Variants in CPNE2 observed in about 807,000 individuals in gnomAD.
The protein encoded by CPNE2 is copine-2.
CPNE2 carries 42 observed loss-of-function variants against 69.7 expected under a neutral mutation model. The ratio of observed to expected loss-of-function variants is 0.60; its 90% CI spans 0.47 to 0.78. The LOEUF (loss-of-function observed/expected upper bound fraction) is 0.78, where lower values mean the gene tolerates loss of function less well. Ranked by LOEUF, CPNE2 falls within the 30% of genes least tolerant of loss-of-function variation. The pLI is 0.00. For missense variants in CPNE2, 587 were observed against 732.0 expected, an observed-to-expected ratio of 0.80 and a Z score of 2.29; for synonymous variants, 294 against 289.8, an observed-to-expected ratio of 1.01 and a Z score of -0.15.
At chr16:57,120,808 C>T (rs1463763133) in intron 7 of CPNE2, among the ~76,000 whole-genome samples, 1 of 152,150 alleles carries the variant, frequency 6.6e-6, no homozygotes, top group African/African-American at 2.4e-5. Flanking sequence ...TGGGTCACAA[C>T]CCGAGGTGGA....
chr16:57,126,931 C>G lies in CPNE2; in HGVS notation c.1062-918C>G, dbSNP rs74021604. ...AGCCACCATCACTTTGTGCCCAGAT[C>G]ATTTCATTAGCTTCCTCATCAGTCT... On this transcript the variant is annotated intron_variant, in intron 11 of 15. Transcript: ENST00000290776. Among the ~76,000 whole-genome samples, 730 of 152,318 alleles carry G rather than the reference C, an allele frequency of 4.8e-3. 7 individuals carry two copies. Among genetic ancestry groups the G allele is most frequent in the African/African-American group, 0.017 (697 of 41,568 alleles).
At chr16:57,102,605 CTT>C (rs111301014) in intron 1 of CPNE2, among the ~76,000 whole-genome samples, 46 of 143,862 alleles carry the variant, frequency 3.2e-4, no homozygotes, top group Non-Finnish European at 2.8e-4. Context: ...ATTTATTTCT[CTT>C]TTTTTTTTTT....
intron 12 of CPNE2, among the ~76,000 whole-genome samples, chr16:57,132,908 C>T (rs2069848491): frequency 6.6e-6 from 1 of 152,126 alleles, no homozygotes; most frequent in African/African-American, 2.4e-5. Context: ...GACCGCAAGG[C>T]TGGGCCCTCC....
rs749605352 is a variant in CPNE2, at chr16:57,146,061, G to T, written c.1303-24G>T. ...TGCCAGAGCCTCGACCTTGCTGAGT[G>T]CCCCGTTGGCCCCCTCCCTGCAGCA... is the stretch of plus-strand genomic sequence containing the variant. On this transcript the variant is annotated intron_variant, in intron 14 of 15. Coordinates refer to ENST00000290776, the MANE Select transcript of CPNE2 (RefSeq NM_152727.6). The surrounding 1 kb of genome is among the most constrained non-coding windows in gnomAD (Gnocchi z 4.4). 504 of 1,586,838 alleles carry T rather than the reference G, an allele frequency of 3.2e-4. No homozygotes were observed. Among genetic ancestry groups the T allele is most frequent in the Non-Finnish European group, 4.3e-4 (494 of 1,162,142 alleles).
chr16:57,113,368 G>A lies in CPNE2; in HGVS notation c.261G>A (p.Glu87=). Residue 87 remains glutamate, a synonymous_variant, in exon 3 of 16, where the codon GAG becomes GAA. Transcript: ENST00000290776. ...TCGTGCTTGACTACCACTTCGAGGAGGTACAGAAGCTCAAGTTCGCGCTCT... is the reference window on the plus strand; with the variant it reads ...TCGTGCTTGACTACCACTTCGAGGAAGTACAGAAGCTCAAGTTCGCGCTCT... ...KKFVLDYHFE[E]VQKLKFALFD... is the part of the protein sequence containing the mutation. The A allele has an allele frequency of 6.2e-7, 1 of 1,614,176 alleles. No individual in the cohort carries two copies. Among genetic ancestry groups the A allele is most frequent in the Non-Finnish European group, 8.5e-7 (1 of 1,180,032 alleles).
intron 9 of CPNE2, 67 bp from the exon 10 acceptor site, chr16:57,123,347 C>G (rs2069776556): frequency 6.5e-7 from 1 of 1,529,402 alleles, no homozygotes; most frequent in South Asian, 1.1e-5. Flanking sequence ...GGACATAGAG[C>G]AACAACTCCC....
chr16:57,145,740 T>A, intron 14 of CPNE2: 1 of 282,008 alleles, frequency 3.5e-6, no homozygotes, highest in Non-Finnish European at 6.8e-6. Context: ...GCACTACGAG[T>A]CAAGTCAGTT....
At chr16:57,114,303 C>T (rs2069701786) in intron 3 of CPNE2, among the ~76,000 whole-genome samples, 1 of 152,184 alleles carries the variant, frequency 6.6e-6, no homozygotes, top group Admixed American at 6.5e-5. Flanking sequence ...GGAAAGCTGA[C>T]CACCTTCACC....
At chr16:57,125,735 A>T in intron 10 of CPNE2, 125 bp from the exon 11 acceptor site, 1 of 1,193,570 alleles carries the variant, frequency 8.4e-7, no homozygotes, top group Non-Finnish European at 1.2e-6. Context: ...AGACCATCTT[A>T]TTGTGGGGAG....
intron 1 of CPNE2, among the ~76,000 whole-genome samples, chr16:57,101,652 C>A (rs1310886611): frequency 6.6e-6 from 1 of 152,214 alleles, no homozygotes; most frequent in African/African-American, 2.4e-5. Context: ...CATGGGGTGG[C>A]CACATTGCAA....
chr16:57,107,155 C>T lies in CPNE2; in HGVS notation c.-35-3553C>T, dbSNP rs114419306. Among the ~76,000 whole-genome samples, 1,053 of 152,264 alleles carry T rather than the reference C, an allele frequency of 6.9e-3. 17 individuals carry two copies. The highest frequency in any genetic ancestry group is 0.024 in the African/African-American group (1,009 of 41,552). On this transcript the variant is annotated intron_variant, in intron 1 of 15. Coordinates refer to ENST00000290776, the MANE Select transcript of CPNE2 (RefSeq NM_152727.6). ...ACATCCCTGTCTGCCCCCTTCCCCA[C>T]CCCACCCCAACTTGGCACAGCTGCC...
intron 1 of CPNE2, among the ~76,000 whole-genome samples, chr16:57,109,211 A>G (rs1245287736): frequency 1.3e-5 from 2 of 152,214 alleles, no homozygotes; most frequent in Non-Finnish European, 2.9e-5. Flanking sequence ...GCGGTGGCTC[A>G]TGCCTGTAAT....
At chr16:57,139,735 C>G (rs2013641) in intron 14 of CPNE2, among the ~76,000 whole-genome samples, 139,474 of 152,202 alleles carry the variant, frequency 0.92, 64,112 homozygotes, top group Middle Eastern at 0.98. Context: ...GGCAGAGCCT[C>G]TTCTGATGGT....
At chr16:57,135,566 C>T (rs2069872924) in intron 13 of CPNE2, among the ~76,000 whole-genome samples, 1 of 151,872 alleles carries the variant, frequency 6.6e-6, no homozygotes, top group Non-Finnish European at 1.5e-5. Flanking sequence ...ACTCAGGAAG[C>T]TGAGGTGGGA....
At chr16:57,094,248 G>A (rs193161287) in intron 1 of CPNE2, among the ~76,000 whole-genome samples, 1 of 152,260 alleles carries the variant, frequency 6.6e-6, no homozygotes, top group East Asian at 1.9e-4. Flanking sequence ...GGACTTGGGG[G>A]GTTTTCTGTC....
chr16:57,106,357 G>C (rs1432794604), intron 1 of CPNE2, among the ~76,000 whole-genome samples: 8 of 152,218 alleles, frequency 5.3e-5, no homozygotes, highest in African/African-American at 1.7e-4. Flanking sequence ...CCCTCAGTCA[G>C]GCTGGAGGGA....
At chr16:57,120,353 T>G (rs2069752599) in intron 7 of CPNE2, among the ~76,000 whole-genome samples, 1 of 150,022 alleles carries the variant, frequency 6.7e-6, no homozygotes, top group African/African-American at 2.5e-5. Flanking sequence ...GGTGGGTGGA[T>G]CACGATGTCA....
chr16:57,094,961 C>T (rs996709609), intron 1 of CPNE2, among the ~76,000 whole-genome samples: 7 of 152,184 alleles, frequency 4.6e-5, no homozygotes, highest in African/African-American at 1.7e-4. Flanking sequence ...GCATCATCGC[C>T]AGGCACGGTC....
intron 1 of CPNE2, chr16:57,093,900 G>A: frequency 2.7e-6 from 1 of 370,476 alleles, no homozygotes; most frequent in Non-Finnish European, 5.4e-6. Context: ...AGCCTGCCCT[G>A]ATGGGGAGGC....
Sources: allele counts gnomAD v4.1 joint callset (sites outside exome capture counted in the v4.1 genomes callset), GRCh38; gene constraint gnomAD v4.1.1; non-coding constraint Gnocchi (gnomAD v3.1); transcripts MANE v1.5; gene names NCBI Gene and HGNC (gene_info 2026-07-23, HGNC 2026-07-21).